Variants in TMEM135 observed in about 807,000 individuals in gnomAD.
TMEM135 encodes peroxisomal membrane protein 52.
A neutral mutation model predicts 60.3 loss-of-function variants in TMEM135; 30 were observed. The observed-to-expected ratio is 0.50, with a 90% CI of 0.37 to 0.68. TMEM135 has a LOEUF of 0.68. Ranked by LOEUF, TMEM135 falls within the 30% of genes least tolerant of loss-of-function variation. TMEM135 has a pLI of 0.00. For missense variants in TMEM135, 468 were observed against 548.8 expected (o/e 0.85, Z 1.47); for synonymous variants, 190 against 186.7 (o/e 1.02, Z -0.14).
At chr11:87,047,061 A>G (rs1027681272) in intron 1 of TMEM135, among the ~76,000 whole-genome samples, 2 of 152,178 alleles carry the variant, frequency 1.3e-5, no homozygotes, top group African/African-American at 4.8e-5. Flanking sequence ...GGACTTTCCA[A>G]TGCAATACAA....
intron 4 of TMEM135, among the ~76,000 whole-genome samples, chr11:87,124,589 G>A (rs541084724): frequency 6.6e-6 from 1 of 152,184 alleles, no homozygotes; most frequent in African/African-American, 2.4e-5. Flanking sequence ...GCTTCTCTGT[G>A]TCATAAAGGG....
intron 4 of TMEM135, among the ~76,000 whole-genome samples, chr11:87,122,275 A>T (rs903409808): frequency 6.8e-6 from 1 of 146,516 alleles, no homozygotes; most frequent in Admixed American, 6.8e-5. Flanking sequence ...AAGACAACAG[A>T]CTATTCTTGA....
chr11:87,256,055 A>G (rs973932372), intron 6 of TMEM135, among the ~76,000 whole-genome samples: 13 of 152,176 alleles, frequency 8.5e-5, no homozygotes, highest in East Asian at 3.9e-4. Flanking sequence ...AGACCTGCCT[A>G]TTACCCTAAG....
In TMEM135 at chr11:87,173,357, T is replaced by A. The variant is rs150394786; in HGVS notation, c.462+15951T>A. Reference sequence around the variant, plus strand: ...AATCAGATCTAGTGTTCCTTCTTTTTTCTTTGTTCCCCTGAATAATTATTA... The same window carrying A: ...AATCAGATCTAGTGTTCCTTCTTTTATCTTTGTTCCCCTGAATAATTATTA... On this transcript the variant is annotated intron_variant, in intron 5 of 14. Transcript: ENST00000305494. Among the ~76,000 whole-genome samples, 498 of 152,298 alleles carry A rather than the reference T, an allele frequency of 3.3e-3. 4 individuals carry two copies. The highest frequency in any genetic ancestry group is 0.012 in the African/African-American group (479 of 41,572).
At chr11:87,315,910 ACTC>A (rs1942720298) in intron 12 of TMEM135, among the ~76,000 whole-genome samples, 2 of 151,544 alleles carry the variant, frequency 1.3e-5, no homozygotes. Context: ...CCTTAAGTTG[ACTC>A]CTCCTTGTTG....
intron 6 of TMEM135, among the ~76,000 whole-genome samples, chr11:87,267,785 C>T (rs868114514): frequency 1.6e-4 from 25 of 152,188 alleles, no homozygotes; most frequent in South Asian, 6.2e-4. Flanking sequence ...CTCCACCTCC[C>T]GGGTTCAAGT....
chr11:87,108,210 G>A (rs1857647508), intron 4 of TMEM135, among the ~76,000 whole-genome samples: 1 of 152,104 alleles, frequency 6.6e-6, no homozygotes. Flanking sequence ...CATTCTGTAG[G>A]TTGCCTGTTC....
chr11:87,222,181 C>CAAAAA (rs386374401), intron 5 of TMEM135, among the ~76,000 whole-genome samples: 1,137 of 54,976 alleles, frequency 0.021, 67 homozygotes, highest in Non-Finnish European at 0.029. Context: ...GACTCTGTCT[C>CAAAAA]AAAAAAAAAA....
At chr11:87,081,343 T>C (rs983560412) in intron 3 of TMEM135, among the ~76,000 whole-genome samples, 3 of 152,082 alleles carry the variant, frequency 2.0e-5, no homozygotes, top group Non-Finnish European at 2.9e-5. Context: ...ATTTTTTTTT[T>C]CGTTATTTTC....
intron 6 of TMEM135, among the ~76,000 whole-genome samples, chr11:87,295,086 C>T (rs1382022221): frequency 6.6e-6 from 1 of 152,096 alleles, no homozygotes; most frequent in Non-Finnish European, 1.5e-5. Flanking sequence ...CTCTGTGTAG[C>T]AATGCAATAG....
intron 5 of TMEM135, among the ~76,000 whole-genome samples, chr11:87,204,244 A>G (rs763265800): frequency 4.4e-4 from 67 of 151,888 alleles, no homozygotes; most frequent in Middle Eastern, 3.4e-3. Context: ...TTGTTGAGGG[A>G]ATGAATGAAA....
intron 4 of TMEM135, among the ~76,000 whole-genome samples, chr11:87,114,498 A>G (rs12271109): frequency 0.14 from 21,412 of 152,194 alleles, 1,598 homozygotes; most frequent in Non-Finnish European, 0.16. Flanking sequence ...AAACAGTAGA[A>G]TATGATTTTG....
In TMEM135 at chr11:87,242,958, T is replaced by C. The variant is rs1357437286; in HGVS notation, c.509+6274T>C. On this transcript the variant is annotated intron_variant, in intron 6 of 14. Transcript: ENST00000305494. ...TATGTCCTGAATGGTAATGCCTAGG[T>C]TTTCTTCTAGGGTTTTCATGGTTTT... 2.1e-5 allele frequency among the ~76,000 whole-genome samples: 3 copies of C among 143,204 alleles called. No individual in the cohort carries two copies. The Admixed American group carries it at 2.1e-4, about 10-fold the overall frequency. 93.9% of individuals were successfully genotyped at this position (143,204 alleles called of 152,430 possible).
Position 87,323,108 on chromosome 11 carries a change from T to C in TMEM135, c.*1775T>C, listed in dbSNP as rs960420839. The C allele has an allele frequency of 1.1e-5, 5 of 453,636 alleles. No individual in the cohort carries two copies. The highest frequency in any genetic ancestry group is 2.2e-5 in the Non-Finnish European group (5 of 226,632). The allele number at this position is 453,636 out of a possible 1,614,324, so 28.1% of individuals were successfully genotyped here. On this transcript the variant is annotated 3_prime_UTR_variant, in exon 15 of 15. Transcript: ENST00000305494. ...AAAGATGTTTTAATTCATAAATTATTGTTTTCATTGACATTAAAAGACTGT... is the reference window on the plus strand; with the variant it reads ...AAAGATGTTTTAATTCATAAATTATCGTTTTCATTGACATTAAAAGACTGT...
At chr11:87,291,050 G>C (rs1942253000) in intron 6 of TMEM135, among the ~76,000 whole-genome samples, 1 of 152,094 alleles carries the variant, frequency 6.6e-6, no homozygotes, top group South Asian at 2.1e-4. Flanking sequence ...AATATATTCA[G>C]TCCTTGGACA....
At chr11:87,063,765 T>G (rs781668369) in intron 1 of TMEM135, among the ~76,000 whole-genome samples, 1 of 152,230 alleles carries the variant, frequency 6.6e-6, no homozygotes, top group Non-Finnish European at 1.5e-5. Flanking sequence ...GGTTATTTTC[T>G]GTGTCTTGTG....
At chr11:87,266,076 T>A (rs1399397171) in intron 6 of TMEM135, among the ~76,000 whole-genome samples, 1 of 152,156 alleles carries the variant, frequency 6.6e-6, no homozygotes, top group Non-Finnish European at 1.5e-5. Context: ...GATAAGCCAA[T>A]TTATATATTA....
chr11:87,093,009 C>T (rs1857244558), intron 4 of TMEM135, among the ~76,000 whole-genome samples: 1 of 151,934 alleles, frequency 6.6e-6, no homozygotes, highest in Non-Finnish European at 1.5e-5. Flanking sequence ...CTTATCCATC[C>T]CCTCTTTGAA....
At chr11:87,087,862 G>A (rs925665674) in intron 3 of TMEM135, among the ~76,000 whole-genome samples, 3 of 151,970 alleles carry the variant, frequency 2.0e-5, no homozygotes, top group Non-Finnish European at 2.9e-5. Flanking sequence ...TCAGCCTCCC[G>A]AGTAGCTGGG....
Sources: gnomAD v4.1 joint callset for allele counts (sites outside exome capture counted in the v4.1 genomes callset) on GRCh38, gnomAD v4.1.1 for gene constraint, MANE v1.5 for transcripts, NCBI Gene and HGNC (gene_info 2026-07-23, HGNC 2026-07-21) for gene names.